The following DISP1 variants were observed in gnomAD, a reference collection of about 807,000 sequenced individuals.
DISP1 encodes the protein protein dispatched homolog 1.
In DISP1, 30 loss-of-function variants were observed where a neutral mutation model predicts 37.3. That is an observed-to-expected ratio of 0.80 (90% CI 0.60 to 1.09). DISP1 has a LOEUF of 1.09. Ranked by LOEUF, DISP1 falls within the 50% of genes least tolerant of loss-of-function variation. The pLI is 0.00. For missense variants in DISP1, 1,598 were observed against 1,879.5 expected, an observed-to-expected ratio of 0.85 and a Z score of 2.77; for synonymous variants, 634 against 690.2, an observed-to-expected ratio of 0.92 and a Z score of 1.28.
chr1:222,968,156 G>A (rs1046295343), intron 3 of DISP1, among the ~76,000 whole-genome samples: 2 of 152,116 alleles, frequency 1.3e-5, no homozygotes, highest in African/African-American at 2.4e-5. Flanking sequence ...CTTCCATAAA[G>A]TCAAACTGCT....
At position 222,916,963 on chromosome 1, in the gene DISP1, G is replaced by A. The variant is rs111610450; in HGVS notation, c.-158-11467G>A. ...GGCAAACTGACAAACTGCATCTGCC[G>A]CCCAGAAGGAATGCTGAGGGAATTC... On this transcript the variant is annotated intron_variant, in intron 1 of 8. Coordinates refer to ENST00000675850, the MANE Select transcript of DISP1 (RefSeq NM_001377229.1). 4.2e-3 allele frequency among the ~76,000 whole-genome samples: 641 copies of A among 152,250 alleles called. 12 individuals carry two copies. The highest frequency in any genetic ancestry group is 0.017 in the South Asian group (83 of 4,816).
intron 1 of DISP1, among the ~76,000 whole-genome samples, chr1:222,824,609 G>A (rs1468272942): frequency 6.6e-6 from 1 of 151,740 alleles, no homozygotes; most frequent in Non-Finnish European, 1.5e-5. Flanking sequence ...TTTGTTAAAT[G>A]TAATTCTTTT....
Position 222,987,075 on chromosome 1 carries a change from AAT to A in DISP1, c.540-3537_540-3536del, listed in dbSNP as rs146934603. Among the ~76,000 whole-genome samples the A allele has an allele frequency of 6.1e-3, 916 of 150,530 alleles. 7 individuals are homozygous for A. The highest frequency in any genetic ancestry group is 0.021 in the African/African-American group (848 of 41,140). ...TATATATATATATATAGCATCATCA[AAT>A]ATATATATATATTTGTGAGATTTAT... is the stretch of plus-strand genomic sequence containing the variant. On this transcript the variant is annotated intron_variant, in intron 4 of 8. Coordinates refer to ENST00000675850, the MANE Select transcript of DISP1 (RefSeq NM_001377229.1).
At chr1:222,837,506 GC>G (rs1667310499) in intron 1 of DISP1, 1 of 155,238 alleles carries the variant, frequency 6.4e-6, no homozygotes, top group Non-Finnish European at 1.4e-5. Flanking sequence ...TTAGTGGGTG[GC>G]CCATTATCAG....
In DISP1 at chr1:223,004,110, T is replaced by C. The variant is rs936460398; in HGVS notation, c.2713T>C (p.Leu905=). 18 of 1,614,038 alleles carry C rather than the reference T, an allele frequency of 1.1e-5. No individual in the cohort carries two copies. The highest frequency in any genetic ancestry group is 1.5e-5 in the Non-Finnish European group (18 of 1,180,028). ...MELERSTGYH[L]DSKTPGPRFD... ...GCTGGAAAGGAGTACAGGGTACCAT[T>C]TGGATAGCAAAACCCCAGGGCCGAG... The change falls in exon 9 of 9, where the codon TTG becomes CTG. Residue 905 remains leucine, a synonymous_variant. Coordinates refer to ENST00000675850, the MANE Select transcript of DISP1 (RefSeq NM_001377229.1). The surrounding 1 kb of genome is among the most constrained non-coding windows in gnomAD (Gnocchi z 4.9).
intron 3 of DISP1, among the ~76,000 whole-genome samples, chr1:222,972,875 G>A (rs939513042): frequency 3.3e-5 from 5 of 152,144 alleles, no homozygotes; most frequent in Non-Finnish European, 5.9e-5. Flanking sequence ...AGCTCTGACT[G>A]TGTAGTCTCT....
At chr1:222,964,708 T>G (rs1278267084) in intron 3 of DISP1, among the ~76,000 whole-genome samples, 1 of 152,230 alleles carries the variant, frequency 6.6e-6, no homozygotes, top group Non-Finnish European at 1.5e-5. Context: ...TTTAGCCTGT[T>G]TATATCATGT....
intron 1 of DISP1, among the ~76,000 whole-genome samples, chr1:222,867,988 C>G (rs1366553296): frequency 1.3e-5 from 2 of 152,054 alleles, no homozygotes; most frequent in African/African-American, 4.8e-5. Flanking sequence ...GGAGCAAACA[C>G]TTGGAAAGGG....
At chr1:222,963,921 T>C (rs1187069660) in intron 3 of DISP1, among the ~76,000 whole-genome samples, 1 of 152,092 alleles carries the variant, frequency 6.6e-6, no homozygotes, top group Non-Finnish European at 1.5e-5. Flanking sequence ...TAAAGCGTTA[T>C]AAAACTTAGA....
chr1:222,885,308 G>T (rs1028644894), intron 1 of DISP1, among the ~76,000 whole-genome samples: 1 of 151,668 alleles, frequency 6.6e-6, no homozygotes, highest in South Asian at 2.1e-4. Context: ...TGCTTAAATT[G>T]TTCCATCTTT....
chr1:222,936,762 TAA>T (rs36137555), intron 2 of DISP1, among the ~76,000 whole-genome samples: 15,820 of 72,372 alleles, frequency 0.22, 1,919 homozygotes, highest in South Asian at 0.43. Flanking sequence ...ATATGATATA[TAA>T]AAATTATATA....
chr1:222,845,099 C>G (rs968888018), intron 1 of DISP1, among the ~76,000 whole-genome samples: 11 of 152,096 alleles, frequency 7.2e-5, no homozygotes, highest in Admixed American at 2.0e-4. Context: ...GGTCAAATCT[C>G]CACTTAAAAT....
chr1:222,984,460 C>T (rs558593520), intron 4 of DISP1, among the ~76,000 whole-genome samples: 5 of 97,596 alleles, frequency 5.1e-5, no homozygotes, highest in East Asian at 2.7e-4. Context: ...AGAGAGAGAG[C>T]GTACTCATAT....
At chr1:222,991,462 G>C in intron 5 of DISP1, 58 bp from the exon 6 acceptor site, 1 of 1,608,346 alleles carries the variant, frequency 6.2e-7, no homozygotes. Flanking sequence ...AGCTTTTATT[G>C]TAACTGTACT....
chr1:222,852,237 TG>T (rs561886671), intron 1 of DISP1, among the ~76,000 whole-genome samples: 4 of 134,880 alleles, frequency 3.0e-5, no homozygotes, highest in Non-Finnish European at 5.0e-5. Flanking sequence ...TGACAGCATT[TG>T]GGGTTTTTTT....
At chr1:222,949,689 C>T (rs555380719) in intron 3 of DISP1, among the ~76,000 whole-genome samples, 34 of 152,258 alleles carry the variant, frequency 2.2e-4, no homozygotes, top group South Asian at 6.2e-4. Flanking sequence ...TGCAGTGGCA[C>T]GATCTCAGCT....
Position 222,965,076 on chromosome 1 carries a change from A to G in DISP1, c.510-18004A>G, listed in dbSNP as rs143699291. On this transcript the variant is annotated intron_variant, in intron 3 of 8. Coordinates refer to ENST00000675850, the MANE Select transcript of DISP1 (RefSeq NM_001377229.1). ...CATAGTTTACTCTCTTAACACCCAT[A>G]CATGGGCAGTAGCACCTTCTACTTT... Among the ~76,000 whole-genome samples the G allele has an allele frequency of 6.9e-4, 105 of 152,096 alleles. 1 individual carries two copies. The highest frequency in any genetic ancestry group is 2.4e-3 in the African/African-American group (99 of 41,466).
In DISP1 at chr1:223,003,761, A is replaced by G; in HGVS notation, c.2364A>G (p.Thr788=). The G allele has an allele frequency of 2.5e-6, 4 of 1,614,194 alleles. No homozygotes were observed. Among genetic ancestry groups the G allele is most frequent in the African/African-American group, 1.3e-5 (1 of 75,052 alleles). Residue 788 remains threonine, a synonymous_variant, in exon 9 of 9, where the codon ACA becomes ACG. Transcript: ENST00000675850. This position sits in a 1 kb window ranked among gnomAD's most constrained non-coding sequence, Gnocchi z 4.3. ...HHGEELHMPI[T]VIWGVSPEDN... ...GCGAGGAGCTCCACATGCCCATCAC[A>G]GTAATCTGGGGCGTGTCCCCAGAAG...
chr1:222,865,035 T>C (rs911044419), intron 1 of DISP1, among the ~76,000 whole-genome samples: 1 of 152,038 alleles, frequency 6.6e-6, no homozygotes, highest in African/African-American at 2.4e-5. Flanking sequence ...TGTTTGTTTT[T>C]GTTTTGTTTT....
Sources: gnomAD v4.1 joint callset for allele counts (sites outside exome capture counted in the v4.1 genomes callset) on GRCh38, gnomAD v4.1.1 for gene constraint, Gnocchi (gnomAD v3.1) non-coding constraint, MANE v1.5 for transcripts, NCBI Gene and HGNC (gene_info 2026-07-23, HGNC 2026-07-21) for gene names.